RANBP2: variants seen among roughly 807,000 people sequenced by gnomAD.
RANBP2 encodes E3 SUMO-protein ligase RanBP2.
A neutral mutation model predicts 303.6 loss-of-function variants in RANBP2; 57 were observed. That is an observed-to-expected ratio of 0.19 (90% confidence interval 0.15 to 0.23). The LOEUF is 0.23. RANBP2 is among the 10% of genes least tolerant of loss of function. RANBP2 has a pLI of 1.00. For synonymous variants in RANBP2, 1,167 were observed against 1,301.5 expected (o/e 0.90, Z 2.23); for missense variants, 3,138 against 3,780.8 (o/e 0.83, Z 4.46).
the RANBP2 span, among the ~76,000 whole-genome samples, chr2:109,682,259 C>G: frequency 6.6e-6 from 1 of 152,140 alleles, no homozygotes; most frequent in Admixed American, 6.6e-5. Flanking sequence ...ACACAGGATG[C>G]CCAGGTAAAT....
At chr2:108,805,132 C>A in the RANBP2 span, 1 of 434,728 alleles carries the variant, frequency 2.3e-6, no homozygotes, top group Non-Finnish European at 3.9e-6. Flanking sequence ...CATTTGTTAG[C>A]TTTATTTTAA....
chr2:109,609,847 T>C, the RANBP2 span, among the ~76,000 whole-genome samples: 19 of 151,972 alleles, frequency 1.3e-4, no homozygotes, highest in Non-Finnish European at 4.4e-5. Flanking sequence ...ACTGAAGAAG[T>C]GGAAAATTAT....
chr2:109,348,440 G>T, the RANBP2 span, among the ~76,000 whole-genome samples: 9 of 152,336 alleles, frequency 5.9e-5, no homozygotes, highest in African/African-American at 2.2e-4. Context: ...CTGAGGCAGG[G>T]CCACCCTGGT....
At chr2:108,860,837 C>T in the RANBP2 span, among the ~76,000 whole-genome samples, 1 of 150,748 alleles carries the variant, frequency 6.6e-6, no homozygotes, top group Non-Finnish European at 1.5e-5. Context: ...GGGAGGAGTC[C>T]CTCCTCCTCG....
the RANBP2 span, among the ~76,000 whole-genome samples, chr2:108,841,432 A>G: frequency 6.8e-6 from 1 of 147,834 alleles, no homozygotes; most frequent in East Asian, 2.0e-4. Context: ...ATATTTTGTA[A>G]CTGTGTTCTT....
the RANBP2 span, among the ~76,000 whole-genome samples, chr2:109,672,850 G>A: frequency 1.3e-5 from 2 of 152,116 alleles, no homozygotes; most frequent in African/African-American, 2.4e-5. Flanking sequence ...GAGTAGATTG[G>A]TTGCAGTTTC....
the RANBP2 span, among the ~76,000 whole-genome samples, chr2:109,628,781 G>A: frequency 6.6e-6 from 1 of 152,004 alleles, no homozygotes; most frequent in Non-Finnish European, 1.5e-5. Flanking sequence ...TCCAGGTAGT[G>A]TGTTTATCTA....
At chr2:109,052,746 C>T in the RANBP2 span, among the ~76,000 whole-genome samples, 2 of 152,130 alleles carry the variant, frequency 1.3e-5, no homozygotes, top group Non-Finnish European at 2.9e-5. Flanking sequence ...GTGATCCTCC[C>T]GCCTTGGCCT....
At chr2:109,416,883 C>T in the RANBP2 span, among the ~76,000 whole-genome samples, 2 of 141,546 alleles carry the variant, frequency 1.4e-5, no homozygotes, top group African/African-American at 5.4e-5. Flanking sequence ...CCAGCCTGGG[C>T]GACAGAGTGA....
At chr2:109,423,669 G>A in the RANBP2 span, among the ~76,000 whole-genome samples, 1 of 152,192 alleles carries the variant, frequency 6.6e-6, no homozygotes, top group Non-Finnish European at 1.5e-5. Flanking sequence ...GCCCCCAAGA[G>A]GTGTCTCAGA....
At chr2:109,094,790 A>T in the RANBP2 span, among the ~76,000 whole-genome samples, 9 of 152,162 alleles carry the variant, frequency 5.9e-5, no homozygotes, top group Non-Finnish European at 1.2e-4. Context: ...AGATCATGTC[A>T]TTGCACTCCA....
chr2:108,899,342 C>T, the RANBP2 span, among the ~76,000 whole-genome samples: 1 of 152,066 alleles, frequency 6.6e-6, no homozygotes, highest in African/African-American at 2.4e-5. Context: ...TGAAAATATC[C>T]TTCAGGAAAG....
chr2:109,185,726 C>T, the RANBP2 span, among the ~76,000 whole-genome samples: 3 of 152,320 alleles, frequency 2.0e-5, no homozygotes, highest in Admixed American at 6.5e-5. Context: ...AAGTGGGAGA[C>T]TTTAGACAGA....
the RANBP2 span, among the ~76,000 whole-genome samples, chr2:109,322,405 C>T: frequency 6.6e-6 from 1 of 152,144 alleles, no homozygotes; most frequent in Admixed American, 6.5e-5. Flanking sequence ...GGCAGGAATC[C>T]AGGAGCCTGA....
the RANBP2 span, among the ~76,000 whole-genome samples, chr2:109,321,275 TC>T: frequency 6.6e-6 from 1 of 152,188 alleles, no homozygotes; most frequent in Non-Finnish European, 1.5e-5. Flanking sequence ...AAAACGCCAT[TC>T]CTTTATTGTC....
At chr2:109,085,955 G>T in the RANBP2 span, among the ~76,000 whole-genome samples, 2 of 152,074 alleles carry the variant, frequency 1.3e-5, no homozygotes, top group African/African-American at 4.8e-5. Context: ...GTACATTCAT[G>T]CCATGTACTG....
the RANBP2 span, among the ~76,000 whole-genome samples, chr2:108,966,113 T>C: frequency 2.0e-5 from 3 of 152,212 alleles, no homozygotes; most frequent in Non-Finnish European, 1.5e-5. Flanking sequence ...AAGAAAGTCA[T>C]TAACACCTCA....
At chr2:109,639,310 C>G in the RANBP2 span, among the ~76,000 whole-genome samples, 3 of 152,032 alleles carry the variant, frequency 2.0e-5, no homozygotes, top group Non-Finnish European at 4.4e-5. Flanking sequence ...TTTATTGGAC[C>G]CCAGAAATCA....
chr2:109,505,212 A>G, the RANBP2 span, among the ~76,000 whole-genome samples: 4 of 152,104 alleles, frequency 2.6e-5, no homozygotes, highest in African/African-American at 9.7e-5. Flanking sequence ...TCTGTCTCCA[A>G]TCAGCCAGCC....
Sources: gnomAD v4.1 joint callset for allele counts (sites outside exome capture counted in the v4.1 genomes callset) on GRCh38, gnomAD v4.1.1 for gene constraint, MANE v1.5 for transcripts, NCBI Gene and HGNC (gene_info 2026-07-23, HGNC 2026-07-21) for gene names.